Variants in NSUN6 observed in about 807,000 individuals in gnomAD.
NSUN6 encodes tRNA (cytosine(72)-C(5))-methyltransferase NSUN6.
NSUN6 carries 64 observed loss-of-function variants against 58.0 expected under a neutral mutation model. That is an observed-to-expected ratio of 1.10 (90% CI 0.90 to 1.36). NSUN6 has a LOEUF of 1.36. Among genes scored for constraint, NSUN6 ranks in the 40% most tolerant of loss-of-function variants. NSUN6 has a pLI of 0.00. For missense variants in NSUN6, 701 were observed against 550.1 expected (o/e 1.27, Z -2.74); for synonymous variants, 231 against 193.9 (o/e 1.19, Z -1.59).
At chr10:18,633,552 T>A (rs1354019676) in intron 3 of NSUN6, among the ~76,000 whole-genome samples, 1 of 152,078 alleles carries the variant, frequency 6.6e-6, no homozygotes, top group Non-Finnish European at 1.5e-5. Flanking sequence ...ACCTAGTTTC[T>A]CAGCAGGGTG....
At chr10:18,629,516 T>C (rs1320614311) in intron 3 of NSUN6, among the ~76,000 whole-genome samples, 3 of 144,296 alleles carry the variant, frequency 2.1e-5, no homozygotes, top group African/African-American at 2.5e-5. Context: ...ACCCATCTCA[T>C]GTGCAGAGAC....
rs150611290 is a variant in NSUN6, at chr10:18,621,890, A to C, written c.312-5597T>G. ...ATGGAAGGTGATGGATGAAACTGTG[A>C]AACAGCACATGATATTGCTGCATGC... is the stretch of plus-strand genomic sequence containing the variant. On this transcript the variant is annotated intron_variant, in intron 3 of 10. Coordinates refer to ENST00000377304, the MANE Select transcript of NSUN6 (RefSeq NM_182543.5). Among the ~76,000 whole-genome samples the C allele has an allele frequency of 1.4e-3, 207 of 152,340 alleles. 2 individuals carry two copies. Among genetic ancestry groups the C allele is most frequent in the African/African-American group, 4.8e-3 (199 of 41,576 alleles).
At chr10:18,650,697 A>G (rs186166627) in intron 1 of NSUN6, among the ~76,000 whole-genome samples, 1 of 152,274 alleles carries the variant, frequency 6.6e-6, no homozygotes, top group Non-Finnish European at 1.5e-5. Flanking sequence ...AACCTCTAAG[A>G]AAAAAAAGAT....
chr10:18,637,640 C>T (rs1247719510), intron 3 of NSUN6, among the ~76,000 whole-genome samples: 1 of 152,170 alleles, frequency 6.6e-6, no homozygotes, highest in African/African-American at 2.4e-5. Flanking sequence ...TCAGTTTGTT[C>T]TGCAGACATG....
At chr10:18,610,610 C>T (rs1427230131) in intron 5 of NSUN6, among the ~76,000 whole-genome samples, 1 of 152,178 alleles carries the variant, frequency 6.6e-6, no homozygotes, top group Non-Finnish European at 1.5e-5. Flanking sequence ...ATAACCTTTT[C>T]CACCTTTGTC....
chr10:18,658,125 T>C (rs2059798111), upstream of NSUN6: 1 of 152,220 alleles, frequency 6.6e-6, no homozygotes, highest in East Asian at 1.9e-4. Flanking sequence ...AACACAAAAT[T>C]ATTCACATTT....
intron 8 of NSUN6, among the ~76,000 whole-genome samples, chr10:18,568,083 C>T (rs1449150061): frequency 6.6e-6 from 1 of 151,386 alleles, no homozygotes; most frequent in African/African-American, 2.4e-5. Flanking sequence ...CCATTCCATT[C>T]TCTATTTCAT....
At chr10:18,657,917 T>C (rs1299606636), upstream of NSUN6, among the ~76,000 whole-genome samples, 1 of 151,878 alleles carries the variant, frequency 6.6e-6, no homozygotes, top group Non-Finnish European at 1.5e-5. Context: ...CAGCCAAATG[T>C]CTGCATCTTC....
intron 6 of NSUN6, among the ~76,000 whole-genome samples, chr10:18,607,456 T>C (rs1318128196): frequency 6.6e-6 from 1 of 152,216 alleles, no homozygotes; most frequent in African/African-American, 2.4e-5. Flanking sequence ...ATTTTATGGA[T>C]CAGGTAAGAC....
At chr10:18,612,332 G>A (rs2058266878) in intron 5 of NSUN6, among the ~76,000 whole-genome samples, 1 of 152,112 alleles carries the variant, frequency 6.6e-6, no homozygotes, top group Admixed American at 6.5e-5. Flanking sequence ...TGAAGTAGGA[G>A]GATCACTTGA....
chr10:18,620,407 T>A (rs7909552), intron 3 of NSUN6, among the ~76,000 whole-genome samples: 114,780 of 152,086 alleles, frequency 0.75, 43,514 homozygotes, highest in East Asian at 0.98. Flanking sequence ...TTTAGCTTCT[T>A]AAGTCTATGA....
At chr10:18,651,027 G>T in intron 1 of NSUN6, 102 bp downstream of exon 1, 1 of 1,398,074 alleles carries the variant, frequency 7.2e-7, no homozygotes, top group South Asian at 1.3e-5. Context: ...AGTAAGGAAC[G>T]ACGGCTGTCA....
At chr10:18,609,229 T>C (rs1264067823) in intron 6 of NSUN6, among the ~76,000 whole-genome samples, 1 of 152,164 alleles carries the variant, frequency 6.6e-6, no homozygotes, top group Non-Finnish European at 1.5e-5. Flanking sequence ...GAAGATCGCT[T>C]GAGCCCAGGA....
chr10:18,584,815 T>A (rs1320602055), intron 8 of NSUN6, among the ~76,000 whole-genome samples: 3 of 151,422 alleles, frequency 2.0e-5, no homozygotes, highest in African/African-American at 7.3e-5. Flanking sequence ...ACTAGGGAAC[T>A]ATAAAAGATT....
At chr10:18,600,235 G>GA (rs1417827250) in intron 6 of NSUN6, among the ~76,000 whole-genome samples, 10 of 147,444 alleles carry the variant, frequency 6.8e-5, no homozygotes, top group South Asian at 2.1e-4. Flanking sequence ...AAAGCAAAAC[G>GA]AAAAAAAAAC....
chr10:18,597,906 C>T (rs970312735), intron 6 of NSUN6, among the ~76,000 whole-genome samples: 1 of 152,144 alleles, frequency 6.6e-6, no homozygotes, highest in Non-Finnish European at 1.5e-5. Context: ...AAATTTCTTC[C>T]TCTGAATATA....
chr10:18,621,226 A>C (rs1331983926), intron 3 of NSUN6, among the ~76,000 whole-genome samples: 1 of 152,206 alleles, frequency 6.6e-6, no homozygotes, highest in Non-Finnish European at 1.5e-5. Context: ...AGTGAGTCTC[A>C]TGTGGTCACA....
Position 18,624,666 on chromosome 10 carries a change from A to G in NSUN6, c.312-8373T>C, listed in dbSNP as rs190274525. Among the ~76,000 whole-genome samples the G allele has an allele frequency of 6.8e-4, 103 of 150,862 alleles. 3 individuals carry two copies. The highest frequency in any genetic ancestry group is 1.4e-3 in the Non-Finnish European group (94 of 67,638). On this transcript the variant is annotated intron_variant, in intron 3 of 10. Transcript: ENST00000377304. ...CTGTCTCAAAAAAAAAAAAAAAAAG[A>G]ACGAATGCGGAAGAAAAAGATCAGT...
At chr10:18,570,290 A>G (rs553269284) in intron 8 of NSUN6, among the ~76,000 whole-genome samples, 6 of 147,814 alleles carry the variant, frequency 4.1e-5, no homozygotes, top group African/African-American at 1.5e-4. Flanking sequence ...TTTCCCTTCC[A>G]TTCCACACCA....
Sources: gnomAD v4.1 joint callset for allele counts (sites outside exome capture counted in the v4.1 genomes callset) on GRCh38, gnomAD v4.1.1 for gene constraint, MANE v1.5 for transcripts, NCBI Gene and HGNC (gene_info 2026-07-23, HGNC 2026-07-21) for gene names.